Variants in COL24A1 observed in about 807,000 individuals in gnomAD.
COL24A1 encodes collagen type XXIV alpha 1 chain.
COL24A1 carries 224 observed loss-of-function variants against 253.9 expected under a neutral mutation model. That is an observed-to-expected ratio of 0.88 (90% CI 0.79 to 0.99). The LOEUF (loss-of-function observed/expected upper bound fraction) is 0.99. Ranked by LOEUF, COL24A1 falls within the 50% of genes least tolerant of loss-of-function variation. COL24A1 has a pLI of 0.00. For synonymous variants in COL24A1, 685 were observed against 673.7 expected (o/e 1.02, Z -0.26); for missense variants, 2,131 against 2,068.5 (o/e 1.03, Z -0.59).
At chr1:85,893,989 G>A (rs1683396260) in intron 31 of COL24A1, among the ~76,000 whole-genome samples, 1 of 152,062 alleles carries the variant, frequency 6.6e-6, no homozygotes, top group Non-Finnish European at 1.5e-5. Flanking sequence ...GCATACACTA[G>A]ACCAAAGGAC....
At chr1:85,827,202 G>A (rs917292072) in intron 43 of COL24A1, among the ~76,000 whole-genome samples, 4 of 151,912 alleles carry the variant, frequency 2.6e-5, no homozygotes, top group Non-Finnish European at 4.4e-5. Context: ...TTTTGTCTTT[G>A]GTTCTGTTTA....
chr1:85,784,373 G>A lies in COL24A1; in HGVS notation c.4060-7C>T, dbSNP rs769029406. On this transcript the variant is annotated splice_polypyrimidine_tract_variant and splice_region_variant and intron_variant, in intron 48 of 59. Transcript: ENST00000370571. ...CAGGTAGCCCTTGTTCACCCTATGG[G>A]TAGAACAAAGAAAAGCGATCTTTAC... 218 of 1,602,810 alleles carry A rather than the reference G, an allele frequency of 1.4e-4. No individual in the cohort carries two copies. The highest frequency in any genetic ancestry group is 1.8e-4 in the Non-Finnish European group (207 of 1,170,258).
At chr1:86,023,942 C>T (rs658313) in intron 14 of COL24A1, among the ~76,000 whole-genome samples, 49,857 of 151,856 alleles carry the variant, frequency 0.33, 9,036 homozygotes, top group Middle Eastern at 0.51. Context: ...ACTTCTCTTT[C>T]TAGTTTCTAA....
intron 2 of COL24A1, among the ~76,000 whole-genome samples, chr1:86,137,187 T>C (rs1650383094): frequency 6.6e-6 from 1 of 152,140 alleles, no homozygotes; most frequent in African/African-American, 2.4e-5. Context: ...TGAGTGGCCC[T>C]ATATAAAAAA....
intron 45 of COL24A1, among the ~76,000 whole-genome samples, chr1:85,821,682 G>A: frequency 6.6e-6 from 1 of 152,098 alleles, no homozygotes; most frequent in South Asian, 2.1e-4. Context: ...ACCCAAAGCA[G>A]GGAAGAACTA....
At chr1:85,796,252 A>C (rs1440482452) in intron 47 of COL24A1, among the ~76,000 whole-genome samples, 1 of 152,222 alleles carries the variant, frequency 6.6e-6, no homozygotes, top group African/African-American at 2.4e-5. Context: ...GCTCAACCTT[A>C]ATGAATACAG....
intron 24 of COL24A1, among the ~76,000 whole-genome samples, chr1:85,933,892 A>C (rs1688032457): frequency 6.6e-6 from 1 of 152,190 alleles, no homozygotes; most frequent in South Asian, 2.1e-4. Flanking sequence ...TTAGTTGTCT[A>C]CTGCTGCAAG....
chr1:86,036,780 A>G (rs371389594), intron 12 of COL24A1, among the ~76,000 whole-genome samples: 138 of 152,306 alleles, frequency 9.1e-4, no homozygotes, highest in African/African-American at 3.2e-3. Context: ...GACAGTCTCT[A>G]TAATTTCTTT....
At chr1:86,143,920 T>C (rs1409560520) in intron 2 of COL24A1, among the ~76,000 whole-genome samples, 1 of 152,128 alleles carries the variant, frequency 6.6e-6, no homozygotes, top group African/African-American at 2.4e-5. Flanking sequence ...ATAAATAATA[T>C]CTGTGATCAT....
rs1409088612 is a variant in COL24A1, at chr1:85,744,833, C to T, written c.4505G>A (p.Ser1502Asn). 1.9e-6 allele frequency: 3 copies of T among 1,605,610 alleles called. No homozygotes were observed. The East Asian group carries it at 6.7e-5, about 36-fold the overall frequency. Reference protein sequence around the residue: ...IESNTALQMESYQNTEVTLID... With the variant: ...IESNTALQMENYQNTEVTLID... ...TAAAGTCACTTCAGTATTCTGGTAG[C>T]TCTGCCAAGTCATCATAAGAATTAT... Residue 1502 changes from serine (S) to asparagine (N), a missense_variant and splice_region_variant, in exon 57 of 60, where the codon AGC becomes AAC. By Grantham distance (46) the Ser-to-Asn change is conservative (BLOSUM62 1). Transcript: ENST00000370571.
chr1:85,985,309 G>T (rs1019322177), intron 20 of COL24A1, among the ~76,000 whole-genome samples: 1 of 151,746 alleles, frequency 6.6e-6, no homozygotes, highest in Non-Finnish European at 1.5e-5. Flanking sequence ...TGAGATTTGA[G>T]TAAGTATGGC....
chr1:85,734,685 T>C, intron 59 of COL24A1, 64 bp downstream of exon 59: 2 of 1,413,812 alleles, frequency 1.4e-6, no homozygotes, highest in South Asian at 2.3e-5. Flanking sequence ...ATTATCCTAA[T>C]TTTATGGTTT....
chr1:85,783,431 G>A (rs1354320292), intron 51 of COL24A1, 65 bp downstream of exon 51: 15 of 1,312,748 alleles, frequency 1.1e-5, no homozygotes, highest in Non-Finnish European at 1.5e-5. Context: ...TACATTTAGA[G>A]CTCTTAAGCC....
chr1:86,081,886 A>G (rs1300172712), intron 7 of COL24A1, among the ~76,000 whole-genome samples: 1 of 152,194 alleles, frequency 6.6e-6, no homozygotes, highest in East Asian at 1.9e-4. Context: ...TATTTATATA[A>G]TGTTGAGAAT....
intron 35 of COL24A1, among the ~76,000 whole-genome samples, chr1:85,872,596 C>G (rs1414426573): frequency 2.0e-5 from 3 of 152,032 alleles, no homozygotes. Context: ...GAAAGGATTC[C>G]CTATTTAGTA....
chr1:85,813,219 A>G (rs1383016971), intron 47 of COL24A1, among the ~76,000 whole-genome samples: 2 of 152,138 alleles, frequency 1.3e-5, no homozygotes, highest in Admixed American at 6.5e-5. Context: ...TTGGGACAGC[A>G]TACAGATAAG....
chr1:85,949,419 A>G (rs1027279660), intron 24 of COL24A1, among the ~76,000 whole-genome samples: 3 of 152,200 alleles, frequency 2.0e-5, no homozygotes, highest in African/African-American at 7.2e-5. Flanking sequence ...AGATACAAGG[A>G]ATAGATAAAA....
intron 40 of COL24A1, 84 bp from the exon 41 acceptor site, chr1:85,842,205 CTGTCTAGGAGGA>C: frequency 6.9e-7 from 1 of 1,445,532 alleles, no homozygotes; most frequent in Non-Finnish European, 9.7e-7. Flanking sequence ...ATAGGATTCA[CTGTCTAGGAGGA>C]TGAGACCTAA....
chr1:86,070,802 C>G (rs1259043056), intron 7 of COL24A1, among the ~76,000 whole-genome samples: 1 of 151,874 alleles, frequency 6.6e-6, no homozygotes, highest in African/African-American at 2.4e-5. Context: ...TGGATTCCAT[C>G]AACACCAGAC....
Sources: allele counts gnomAD v4.1 joint callset (sites outside exome capture counted in the v4.1 genomes callset), GRCh38; gene constraint gnomAD v4.1.1; transcripts MANE v1.5; gene names NCBI Gene and HGNC (gene_info 2026-07-23, HGNC 2026-07-21).